The following GPR158 variants were observed in gnomAD, a reference collection of about 807,000 sequenced individuals.
GPR158 encodes metabotropic glycine receptor.
A neutral mutation model predicts 78.2 loss-of-function variants in GPR158; 30 were observed. That is an observed-to-expected ratio of 0.38 (90% CI 0.29 to 0.52). The LOEUF is 0.52. Ranked by LOEUF, GPR158 falls within the 20% of genes least tolerant of loss-of-function variation. The pLI is 0.83. For synonymous variants in GPR158, 581 were observed against 591.1 expected, an observed-to-expected ratio of 0.98 and a Z score of 0.25; for missense variants, 1,463 against 1,523.5, an observed-to-expected ratio of 0.96 and a Z score of 0.66.
chr10:25,286,799 G>A (rs1386096783), intron 2 of GPR158, among the ~76,000 whole-genome samples: 1 of 151,994 alleles, frequency 6.6e-6, no homozygotes, highest in Non-Finnish European at 1.5e-5. Context: ...TTGTTGCTAT[G>A]GTTACCCTCA....
chr10:25,538,413 C>G (rs1436185064), intron 5 of GPR158, among the ~76,000 whole-genome samples: 3 of 152,074 alleles, frequency 2.0e-5, no homozygotes, highest in South Asian at 2.1e-4. Flanking sequence ...GGGTAATAAA[C>G]AGGGGACAAG....
intron 7 of GPR158, among the ~76,000 whole-genome samples, chr10:25,587,092 G>A (rs919384139): frequency 1.3e-5 from 2 of 152,214 alleles, no homozygotes; most frequent in African/African-American, 4.8e-5. Context: ...GGGTAACAAA[G>A]AGAAGTTGGT....
At chr10:25,390,389 A>G (rs1369450162) in intron 2 of GPR158, among the ~76,000 whole-genome samples, 1 of 152,228 alleles carries the variant, frequency 6.6e-6, no homozygotes, top group Non-Finnish European at 1.5e-5. Context: ...GCTGATAGTG[A>G]TATAGATGAT....
intron 2 of GPR158, among the ~76,000 whole-genome samples, chr10:25,301,212 T>C (rs937194408): frequency 7.9e-5 from 12 of 152,192 alleles, no homozygotes; most frequent in African/African-American, 2.4e-4. Flanking sequence ...GAAATAGTGT[T>C]ATTCTGTAAG....
chr10:25,485,725 T>A (rs990977447), intron 5 of GPR158, among the ~76,000 whole-genome samples: 4 of 152,162 alleles, frequency 2.6e-5, no homozygotes, highest in Non-Finnish European at 5.9e-5. Flanking sequence ...ATGTTATTTG[T>A]GATTAGATAT....
chr10:25,494,832 T>C (rs1018077673), intron 5 of GPR158, among the ~76,000 whole-genome samples: 1 of 152,234 alleles, frequency 6.6e-6, no homozygotes, highest in African/African-American at 2.4e-5. Context: ...ATTTTCAAAC[T>C]AGTTTGCTAT....
At chr10:25,372,747 T>G (rs939880817) in intron 2 of GPR158, among the ~76,000 whole-genome samples, 2 of 147,192 alleles carry the variant, frequency 1.4e-5, no homozygotes, top group African/African-American at 2.5e-5. Flanking sequence ...CTGGGAGATA[T>G]ACCTAATGCT....
intron 2 of GPR158, among the ~76,000 whole-genome samples, chr10:25,328,225 T>A (rs1412993133): frequency 6.6e-6 from 1 of 152,110 alleles, no homozygotes; most frequent in Admixed American, 6.6e-5. Flanking sequence ...TGCCAAGGAA[T>A]CCTCACAATT....
chr10:25,376,804 A>G (rs1257938907), intron 2 of GPR158, among the ~76,000 whole-genome samples: 2 of 151,720 alleles, frequency 1.3e-5, no homozygotes, highest in Admixed American at 1.3e-4. Flanking sequence ...CTGCACTTTC[A>G]GTCCCTAATT....
chr10:25,378,928 G>T (rs1773627), intron 2 of GPR158, among the ~76,000 whole-genome samples: 100,524 of 151,972 alleles, frequency 0.66, 34,320 homozygotes, highest in Non-Finnish European at 0.75. Flanking sequence ...TAGCTGGAAC[G>T]ACAGACATGT....
At chr10:25,185,938 C>A (rs1444360737) in intron 1 of GPR158, among the ~76,000 whole-genome samples, 2 of 152,186 alleles carry the variant, frequency 1.3e-5, no homozygotes, top group Admixed American at 1.3e-4. Context: ...CTCAGCACAT[C>A]ACACTTATTC....
At chr10:25,553,706 T>C (rs957521102) in intron 6 of GPR158, among the ~76,000 whole-genome samples, 1 of 152,136 alleles carries the variant, frequency 6.6e-6, no homozygotes, top group African/African-American at 2.4e-5. Flanking sequence ...GTTTGGCTGG[T>C]GTCTCCTAGA....
At chr10:25,433,690 C>CTTTTTTTTTTTTTT (rs776105443) in intron 4 of GPR158, among the ~76,000 whole-genome samples, 8 of 93,258 alleles carry the variant, frequency 8.6e-5, no homozygotes, top group African/African-American at 1.1e-4. Flanking sequence ...TTCTTTCTTT[C>CTTTTTTTTTTTTTT]TTTCTTTTTT....
chr10:25,272,503 C>A (rs1057100354), intron 2 of GPR158, among the ~76,000 whole-genome samples: 1 of 152,184 alleles, frequency 6.6e-6, no homozygotes, highest in Admixed American at 6.5e-5. Context: ...CAAGACCCCA[C>A]CTCTTGTTTA....
At chr10:25,283,333 G>A (rs1854302213) in intron 2 of GPR158, among the ~76,000 whole-genome samples, 1 of 151,916 alleles carries the variant, frequency 6.6e-6, no homozygotes, top group East Asian at 1.9e-4. Flanking sequence ...AGGGTTTTTA[G>A]TAATTTTCTC....
chr10:25,241,541 C>T (rs933426662), intron 2 of GPR158, among the ~76,000 whole-genome samples: 7 of 151,734 alleles, frequency 4.6e-5, no homozygotes, highest in Middle Eastern at 3.4e-3. Flanking sequence ...CTGCCTCAGC[C>T]TCCTGAGTAG....
intron 2 of GPR158, among the ~76,000 whole-genome samples, chr10:25,241,336 C>CTT (rs748415671): frequency 1.6e-5 from 2 of 125,424 alleles, no homozygotes; most frequent in Non-Finnish European, 3.2e-5. Flanking sequence ...CTTCTCTTCT[C>CTT]TTTTCTCTTT....
intron 2 of GPR158, among the ~76,000 whole-genome samples, chr10:25,253,611 A>C (rs1853846483): frequency 2.0e-5 from 3 of 152,194 alleles, no homozygotes. Context: ...CTTGCTGTGT[A>C]GAAGATATTG....
chr10:25,570,466 GT>G (rs1341464583), intron 6 of GPR158, among the ~76,000 whole-genome samples: 1 of 152,154 alleles, frequency 6.6e-6, no homozygotes, highest in Non-Finnish European at 1.5e-5. Context: ...ACTGCATTGT[GT>G]TAAATGTTTT....
Sources: allele counts gnomAD v4.1 joint callset (sites outside exome capture counted in the v4.1 genomes callset), GRCh38; gene constraint gnomAD v4.1.1; transcripts MANE v1.5; gene names NCBI Gene and HGNC (gene_info 2026-07-23, HGNC 2026-07-21).